The following TRAF3 variants were observed in gnomAD, a reference collection of about 807,000 sequenced individuals.
TRAF3 encodes TNF receptor-associated factor 3.
Under a neutral mutation model 62.3 loss-of-function variants are expected in TRAF3, and 13 were observed. The observed-to-expected ratio is 0.21, with a 90% CI of 0.14 to 0.33. The LOEUF (loss-of-function observed/expected upper bound fraction) is 0.33. Ranked by LOEUF, TRAF3 falls within the 10% of genes least tolerant of loss-of-function variation. The pLI is 1.00. For missense variants in TRAF3, 440 were observed against 741.8 expected (o/e 0.59, Z 4.73); for synonymous variants, 269 against 283.4 (o/e 0.95, Z 0.51).
chr14:102,884,377 A>G (rs894271082), intron 6 of TRAF3, among the ~76,000 whole-genome samples: 1 of 152,232 alleles, frequency 6.6e-6, no homozygotes, highest in Non-Finnish European at 1.5e-5. Flanking sequence ...AAATAAGGTC[A>G]CATTCTGAGG....
At chr14:102,886,403 C>A in intron 7 of TRAF3, 134 bp downstream of exon 7, 2 of 778,450 alleles carry the variant, frequency 2.6e-6, no homozygotes, top group Admixed American at 2.2e-5. Flanking sequence ...CAAACAAAAA[C>A]CACAGCAAAA....
intron 1 of TRAF3, chr14:102,810,728 G>C (rs1899069291): frequency 6.6e-6 from 1 of 152,218 alleles, no homozygotes; most frequent in Non-Finnish European, 1.5e-5. Context: ...TCAAGAGAAA[G>C]ACAACAATTC....
intron 9 of TRAF3, among the ~76,000 whole-genome samples, chr14:102,895,455 G>T (rs1889953625): frequency 6.6e-6 from 1 of 152,194 alleles, no homozygotes; most frequent in South Asian, 2.1e-4. Context: ...GACAGCATCG[G>T]GAGTCAGCTC....
intron 1 of TRAF3, among the ~76,000 whole-genome samples, chr14:102,783,376 C>A (rs1189837658): frequency 6.6e-6 from 1 of 152,178 alleles, no homozygotes; most frequent in African/African-American, 2.4e-5. Context: ...CTTTTAATGA[C>A]TTAAAAGCTG....
At chr14:102,802,406 G>A (rs369067135) in intron 1 of TRAF3, among the ~76,000 whole-genome samples, 2 of 150,456 alleles carry the variant, frequency 1.3e-5, no homozygotes, top group Non-Finnish European at 3.0e-5. Flanking sequence ...TGCCCGCCTC[G>A]GCCTCCCAAA....
At chr14:102,860,672 A>G (rs1887629367) in intron 2 of TRAF3, among the ~76,000 whole-genome samples, 1 of 152,248 alleles carries the variant, frequency 6.6e-6, no homozygotes, top group Non-Finnish European at 1.5e-5. Flanking sequence ...CCCAAATGCC[A>G]ACCAGAAAGT....
chr14:102,903,234 T>C lies in TRAF3; in HGVS notation c.961-21T>C. On this transcript the variant is annotated intron_variant, in intron 10 of 11. Coordinates refer to ENST00000392745, the MANE Select transcript of TRAF3 (RefSeq NM_145725.3). The surrounding 1 kb of genome is among the most constrained non-coding windows in gnomAD (Gnocchi z 6.4). ...CCGAGTCCTAACTGTGTTTTGCTTT[T>C]TAACACCTTTGGTTTGGAAGCGAGT... 1 of 1,614,186 alleles carries C rather than the reference T, an allele frequency of 6.2e-7. No homozygotes were observed. Among genetic ancestry groups the C allele is most frequent in the South Asian group, 1.1e-5 (1 of 91,082 alleles).
chr14:102,856,679 A>T (rs1008341959), intron 2 of TRAF3, among the ~76,000 whole-genome samples: 1 of 151,962 alleles, frequency 6.6e-6, no homozygotes, highest in South Asian at 2.1e-4. Context: ...CTCACCCCCT[A>T]TTCAAGATGG....
intron 1 of TRAF3, among the ~76,000 whole-genome samples, chr14:102,820,595 TATATATATA>T (rs1899864389): frequency 2.3e-4 from 2 of 8,616 alleles, no homozygotes; most frequent in African/African-American, 4.9e-4. Context: ...TATATATATA[TATATATATA>T]TATATATATA....
intron 2 of TRAF3, among the ~76,000 whole-genome samples, chr14:102,848,894 C>T (rs149871470): frequency 9.9e-5 from 15 of 152,266 alleles, no homozygotes; most frequent in East Asian, 5.8e-4. Context: ...TTCAGAGGTG[C>T]GTGATGCCCT....
Position 102,903,444 on chromosome 14 carries a change from G to C in TRAF3, c.1135+15G>C. On this transcript the variant is annotated intron_variant, in intron 11 of 11. Coordinates refer to ENST00000392745, the MANE Select transcript of TRAF3 (RefSeq NM_145725.3). The surrounding 1 kb of genome is among the most constrained non-coding windows in gnomAD (Gnocchi z 6.4). ...TCGGAACACAGGTGAGGCAGGGGCC[G>C]GGGCCGGGCCAGCAGTGTGCATCTG... 1 of 1,613,104 alleles carries C rather than the reference G, an allele frequency of 6.2e-7. No individual in the cohort carries two copies. The highest frequency in any genetic ancestry group is 8.5e-7 in the Non-Finnish European group (1 of 1,179,728).
In TRAF3 at chr14:102,784,004, C is replaced by G. The variant is rs182605300; in HGVS notation, c.-157+6329C>G. 5.3e-3 allele frequency among the ~76,000 whole-genome samples: 812 copies of G among 152,172 alleles called. 5 individuals carry two copies. The highest frequency in any genetic ancestry group is 9.8e-3 in the Admixed American group (149 of 15,272). The stretch of plus-strand genomic sequence containing the variant: ...ACAGAGTAAGAATGTTAAGATCTTA[C>G]AATGTAAATATCAGATCTTGTTAGT... On this transcript the variant is annotated intron_variant, in intron 1 of 11. Coordinates refer to ENST00000392745, the MANE Select transcript of TRAF3 (RefSeq NM_145725.3).
At chr14:102,840,626 T>G (rs1303519332) in intron 2 of TRAF3, among the ~76,000 whole-genome samples, 3 of 152,168 alleles carry the variant, frequency 2.0e-5, no homozygotes. Flanking sequence ...ATCGATATTA[T>G]ATATAAAACT....
At chr14:102,889,679 A>C (rs775677244) in intron 8 of TRAF3, 45 bp downstream of exon 8, 1 of 1,598,950 alleles carries the variant, frequency 6.3e-7, no homozygotes, top group Middle Eastern at 1.7e-4. Flanking sequence ...ACATTCTGCC[A>C]TGAGAGAAAG....
At chr14:102,812,660 C>G (rs1402528688) in intron 1 of TRAF3, among the ~76,000 whole-genome samples, 1 of 152,152 alleles carries the variant, frequency 6.6e-6, no homozygotes, top group Non-Finnish European at 1.5e-5. Context: ...TGGCTCACGC[C>G]TGTAATCCCA....
At chr14:102,841,187 A>G (rs979604660) in intron 2 of TRAF3, among the ~76,000 whole-genome samples, 1 of 152,218 alleles carries the variant, frequency 6.6e-6, no homozygotes, top group Non-Finnish European at 1.5e-5. Flanking sequence ...TACAGGAGAA[A>G]TTGGGGAGGA....
intron 8 of TRAF3, 149 bp downstream of exon 8, chr14:102,889,783 T>C: frequency 1.1e-6 from 1 of 938,036 alleles, no homozygotes. Flanking sequence ...GAAAGCCACA[T>C]GCAGCAGGTG....
chr14:102,851,919 G>T (rs990944114), intron 2 of TRAF3, among the ~76,000 whole-genome samples: 41 of 151,890 alleles, frequency 2.7e-4, no homozygotes, highest in African/African-American at 9.9e-4. Context: ...GCGGGGTGTG[G>T]TGGTGCATGC....
At chr14:102,881,639 A>G (rs1889075142) in intron 6 of TRAF3, among the ~76,000 whole-genome samples, 1 of 152,184 alleles carries the variant, frequency 6.6e-6, no homozygotes, top group South Asian at 2.1e-4. Flanking sequence ...GCGGGGCTTA[A>G]TAATACCTAG....
Sources: allele counts gnomAD v4.1 joint callset (sites outside exome capture counted in the v4.1 genomes callset), GRCh38; gene constraint gnomAD v4.1.1; non-coding constraint Gnocchi (gnomAD v3.1); transcripts MANE v1.5; gene names NCBI Gene and HGNC (gene_info 2026-07-23, HGNC 2026-07-21).